Variants in TCERG1L observed in about 807,000 individuals in gnomAD.
TCERG1L encodes transcription elongation regulator 1-like protein.
A neutral mutation model predicts 56.3 loss-of-function variants in TCERG1L; 37 were observed. The observed-to-expected ratio is 0.66, with a 90% CI of 0.51 to 0.87. The LOEUF is 0.87. Ranked by LOEUF, TCERG1L falls within the 40% of genes least tolerant of loss-of-function variation. The pLI is 0.00. For missense variants in TCERG1L, 799 were observed against 774.2 expected (o/e 1.03, Z -0.38); for synonymous variants, 324 against 326.3 (o/e 0.99, Z 0.08).
intron 3 of TCERG1L, among the ~76,000 whole-genome samples, chr10:131,269,183 T>TTTA (rs990146440): frequency 7.6e-4 from 6 of 7,900 alleles, no homozygotes; most frequent in Admixed American, 3.7e-3. Context: ...ACAATTTCTA[T>TTTA]TTGTTTGTTT....
intron 5 of TCERG1L, among the ~76,000 whole-genome samples, chr10:131,164,378 G>A (rs148363012): frequency 5.6e-4 from 85 of 152,266 alleles, no homozygotes; most frequent in African/African-American, 1.9e-3. Flanking sequence ...ATGGATGTAT[G>A]ACAGACCGCA....
rs543405432 is a variant in TCERG1L, at chr10:131,282,137, GAAAAAAAAAAAA to G, written c.671-21705_671-21694del. On this transcript the variant is annotated intron_variant, in intron 3 of 11. Transcript: ENST00000368642. ...GGCGAAAGAGCAAGACTCCATCTCAGAAAAAAAAAAAAAAAAAAAAAAAAGAAAACCCTTCTT... is the reference window on the plus strand; with the variant it reads ...GGCGAAAGAGCAAGACTCCATCTCAGAAAAAAAAAAAAGAAAACCCTTCTT... 1.7e-4 allele frequency among the ~76,000 whole-genome samples: 16 copies of G among 92,544 alleles called. No homozygotes were observed. The Admixed American group carries it at 2.1e-3, about 12-fold the overall frequency. The allele number at this position is 92,544 out of a possible 152,430, so 60.7% of individuals were successfully genotyped here. A position where few individuals can be genotyped will look rare whatever the true frequency, so the allele number is the denominator to read the frequency against.
chr10:131,178,246 C>T (rs983117017), intron 4 of TCERG1L, among the ~76,000 whole-genome samples: 3 of 152,132 alleles, frequency 2.0e-5, no homozygotes, highest in South Asian at 2.1e-4. Context: ...ACAGTGACAG[C>T]GGTGACCCTG....
At chr10:131,307,432 T>C (rs1018811811) in intron 3 of TCERG1L, among the ~76,000 whole-genome samples, 5 of 152,186 alleles carry the variant, frequency 3.3e-5, no homozygotes, top group African/African-American at 1.2e-4. Flanking sequence ...GAGACACATA[T>C]TGAGACAAGC....
At chr10:131,149,133 T>C (rs1015658457) in intron 6 of TCERG1L, among the ~76,000 whole-genome samples, 1 of 151,864 alleles carries the variant, frequency 6.6e-6, no homozygotes, top group African/African-American at 2.4e-5. Context: ...AGATGGGGGG[T>C]GGAATGGGAA....
intron 6 of TCERG1L, among the ~76,000 whole-genome samples, chr10:131,149,732 G>A (rs1432792816): frequency 2.6e-5 from 4 of 152,202 alleles, no homozygotes; most frequent in Non-Finnish European, 4.4e-5. Context: ...TTACTACTGC[G>A]ACATTGGGCT....
chr10:131,225,085 A>T (rs1358552369), intron 4 of TCERG1L, among the ~76,000 whole-genome samples: 1 of 152,150 alleles, frequency 6.6e-6, no homozygotes, highest in African/African-American at 2.4e-5. Context: ...AGATGGGAAC[A>T]AAGAGGTTCC....
chr10:131,256,826 A>G (rs55812644), intron 4 of TCERG1L, among the ~76,000 whole-genome samples: 6,553 of 151,310 alleles, frequency 0.043, 181 homozygotes, highest in Middle Eastern at 0.071. Context: ...AGAGGTTGCA[A>G]TGAGCCGAGA....
chr10:131,275,322 A>G (rs1180723227), intron 3 of TCERG1L, among the ~76,000 whole-genome samples: 2 of 152,222 alleles, frequency 1.3e-5, no homozygotes, highest in African/African-American at 4.8e-5. Flanking sequence ...AAGCATGGAC[A>G]TCACTCTCCC....
At chr10:131,169,970 T>C (rs1329257795) in intron 4 of TCERG1L, among the ~76,000 whole-genome samples, 1 of 152,214 alleles carries the variant, frequency 6.6e-6, no homozygotes, top group East Asian at 1.9e-4. Context: ...GTCTGGCTTT[T>C]GAGATAAACG....
At chr10:131,200,736 G>A (rs1165426169) in intron 4 of TCERG1L, among the ~76,000 whole-genome samples, 1 of 152,196 alleles carries the variant, frequency 6.6e-6, no homozygotes. Flanking sequence ...AATGTATTTT[G>A]CGTGTGGGAA....
chr10:131,242,307 C>T (rs76934244), intron 4 of TCERG1L, among the ~76,000 whole-genome samples: 9 of 151,870 alleles, frequency 5.9e-5, no homozygotes, highest in East Asian at 1.9e-4. Flanking sequence ...GGAAAAAGGA[C>T]GAGAAATAGA....
chr10:131,163,183 C>T lies in TCERG1L; in HGVS notation c.973G>A (p.Glu325Lys), dbSNP rs756770983. The T allele has an allele frequency of 4.5e-6, 7 of 1,565,002 alleles. No individual in the cohort carries two copies. In the South Asian group the frequency reaches 8.3e-5, roughly 19 times the overall value. ...KEPPPMLGGG[E>K]DSTARGNRPV... is the part of the protein sequence containing the mutation. The stretch of plus-strand genomic sequence containing the variant: ...CTGTTGCCTCTGGCTGTGCTGTCCT[C>T]TCCTCCCCCCAGCATCGGTGGAGGC... Residue 325 changes from glutamate to lysine, a missense_variant, in exon 6 of 12, where the codon GAG (glutamate) becomes AAG (lysine). Transcript: ENST00000368642.
chr10:131,202,261 C>T (rs146930622), intron 4 of TCERG1L, among the ~76,000 whole-genome samples: 154 of 152,278 alleles, frequency 1.0e-3, no homozygotes, highest in African/African-American at 3.5e-3. Flanking sequence ...ATGTCTGCAC[C>T]GTGGGGTACC....
chr10:131,155,355 T>C (rs1213037717), intron 6 of TCERG1L, among the ~76,000 whole-genome samples: 3 of 152,220 alleles, frequency 2.0e-5, no homozygotes, highest in East Asian at 1.9e-4. Flanking sequence ...TCCATGGTCA[T>C]GTCAAGCCGA....
chr10:131,160,221 C>T (rs954571049), intron 6 of TCERG1L, among the ~76,000 whole-genome samples: 16 of 152,212 alleles, frequency 1.1e-4, no homozygotes, highest in Non-Finnish European at 2.2e-4. Flanking sequence ...TGGAGAATTC[C>T]CTCTCATCCT....
chr10:131,259,545 G>A (rs1034649533), intron 4 of TCERG1L, among the ~76,000 whole-genome samples: 2 of 152,300 alleles, frequency 1.3e-5, no homozygotes, highest in African/African-American at 2.4e-5. Flanking sequence ...GGATGGACAC[G>A]CATGCCTGTG....
intron 6 of TCERG1L, among the ~76,000 whole-genome samples, chr10:131,150,257 C>G (rs970499011): frequency 1.1e-4 from 1 of 9,226 alleles, no homozygotes; most frequent in Non-Finnish European, 1.4e-3. Context: ...CCTCCAACGG[C>G]CTCACCCAGA....
chr10:131,173,185 C>T (rs913314921), intron 4 of TCERG1L, among the ~76,000 whole-genome samples: 1 of 152,134 alleles, frequency 6.6e-6, no homozygotes, highest in African/African-American at 2.4e-5. Context: ...GCCACCCCAC[C>T]CGGCCTGAAT....
Sources: allele counts gnomAD v4.1 joint callset (sites outside exome capture counted in the v4.1 genomes callset), GRCh38; gene constraint gnomAD v4.1.1; transcripts MANE v1.5; gene names NCBI Gene and HGNC (gene_info 2026-07-23, HGNC 2026-07-21).